The following TENM2 variants were observed in gnomAD, a reference collection of about 807,000 sequenced individuals.
TENM2 encodes teneurin transmembrane protein 2, also known as teneurin-2.
TENM2 carries 52 observed loss-of-function variants against 245.2 expected under a neutral mutation model. The ratio of observed to expected loss-of-function variants is 0.21; its 90% CI spans 0.17 to 0.27. The LOEUF is 0.27. Among genes scored for constraint, TENM2 ranks in the 10% least tolerant of loss-of-function variants. The probability of loss-of-function intolerance (pLI) is 1.00; values close to 1 mark genes in which losing one functional copy is unlikely to be tolerated. For synonymous variants in TENM2, 1,363 were observed against 1,438.9 expected, an observed-to-expected ratio of 0.95 and a Z score of 1.19; for missense variants, 3,046 against 3,666.8, an observed-to-expected ratio of 0.83 and a Z score of 4.37.
chr5:168,017,033 C>G (rs971487823), intron 5 of TENM2, among the ~76,000 whole-genome samples: 5 of 152,138 alleles, frequency 3.3e-5, no homozygotes, highest in Non-Finnish European at 5.9e-5. Context: ...TAGAAGGCAC[C>G]CTGCTCTGGT....
the TENM2 span, among the ~76,000 whole-genome samples, chr5:167,267,247 G>A: frequency 1.3e-5 from 2 of 152,062 alleles, no homozygotes; most frequent in East Asian, 3.9e-4. Flanking sequence ...AGGGTTTCTA[G>A]CAATCTCTTT....
At position 167,988,326 on chromosome 5, in the gene TENM2, A is replaced by G. The variant is rs557748109; in HGVS notation, c.948-4618A>G. On this transcript the variant is annotated intron_variant, in intron 4 of 28. Transcript: ENST00000518659. ...GTTCCCCCACTGTAAGCCAGGCTCTATTTTAGGTGACAGGATGCGGCGTGA... is the reference window on the plus strand; with the variant it reads ...GTTCCCCCACTGTAAGCCAGGCTCTGTTTTAGGTGACAGGATGCGGCGTGA... 2.6e-5 allele frequency among the ~76,000 whole-genome samples: 4 copies of G among 152,340 alleles called. No homozygotes were observed. In the East Asian group the frequency reaches 7.7e-4, roughly 29 times the overall value.
At chr5:167,766,876 C>T (rs1213104514) in intron 2 of TENM2, among the ~76,000 whole-genome samples, 2 of 151,726 alleles carry the variant, frequency 1.3e-5, no homozygotes, top group East Asian at 3.9e-4. Context: ...GAGACTCCAT[C>T]TCAAAAAAAC....
At chr5:168,162,491 C>A in intron 12 of TENM2, 120 bp from the exon 15 acceptor site, 2 of 1,056,440 alleles carry the variant, frequency 1.9e-6, no homozygotes, top group Non-Finnish European at 2.7e-6. Context: ...CAGGCGCGGG[C>A]CCCACTGTGA....
rs143191607 is a variant in TENM2, at chr5:167,443,933, ATC to A, written c.502+68462_502+68463del. On this transcript the variant is annotated intron_variant, in intron 2 of 28. Coordinates refer to ENST00000518659, the Ensembl canonical transcript of TENM2. ...AATCTGTCTTATGATTACGCAAAAC[ATC>A]TGTTTTTTTATCCCAGTAAGTTAAT... is the stretch of plus-strand genomic sequence containing the variant. Among the ~76,000 whole-genome samples the A allele has an allele frequency of 4.2e-3, 644 of 152,234 alleles. 6 individuals are homozygous for A. Among genetic ancestry groups the A allele is most frequent in the Non-Finnish European group, 7.4e-3 (504 of 67,996 alleles).
At chr5:167,730,460 G>A (rs1760343302) in intron 2 of TENM2, among the ~76,000 whole-genome samples, 1 of 152,192 alleles carries the variant, frequency 6.6e-6, no homozygotes, top group Non-Finnish European at 1.5e-5. Flanking sequence ...TCCAGCATTT[G>A]AAAGTAATAG....
the TENM2 span, among the ~76,000 whole-genome samples, chr5:167,153,830 T>C: frequency 6.6e-6 from 1 of 152,170 alleles, no homozygotes; most frequent in Non-Finnish European, 1.5e-5. Flanking sequence ...GAAAAACCTT[T>C]GTCACAATTA....
chr5:167,266,835 C>T, the TENM2 span, among the ~76,000 whole-genome samples: 2 of 152,128 alleles, frequency 1.3e-5, no homozygotes, highest in Non-Finnish European at 2.9e-5. Context: ...AAAAGTCACG[C>T]CGGTTCATGA....
At chr5:167,927,882 G>A (rs1158743145) in intron 3 of TENM2, among the ~76,000 whole-genome samples, 3 of 152,134 alleles carry the variant, frequency 2.0e-5, no homozygotes, top group Non-Finnish European at 4.4e-5. Context: ...GACCTAGCCT[G>A]GTGGAGCCTG....
chr5:167,714,392 T>C (rs979025084), intron 2 of TENM2, among the ~76,000 whole-genome samples: 2 of 152,216 alleles, frequency 1.3e-5, no homozygotes, highest in African/African-American at 4.8e-5. Flanking sequence ...TTCTGTTGTT[T>C]CGTGCATTGA....
intron 5 of TENM2, among the ~76,000 whole-genome samples, chr5:168,032,760 C>T (rs1171498999): frequency 6.6e-6 from 1 of 152,126 alleles, no homozygotes; most frequent in Non-Finnish European, 1.5e-5. Flanking sequence ...CTTTCCTCAG[C>T]CGCTGGTGTT....
intron 2 of TENM2, among the ~76,000 whole-genome samples, chr5:167,462,435 C>T (rs1766375743): frequency 6.6e-6 from 1 of 152,102 alleles, no homozygotes; most frequent in Admixed American, 6.6e-5. Context: ...CAGCTCAGTG[C>T]CCTCTTGGTA....
chr5:167,382,170 T>C (rs1006835891), intron 2 of TENM2, among the ~76,000 whole-genome samples: 4 of 152,184 alleles, frequency 2.6e-5, no homozygotes, highest in Non-Finnish European at 4.4e-5. Context: ...TTAAAAACTT[T>C]AGCTACTTCA....
At chr5:167,152,334 C>A in the TENM2 span, among the ~76,000 whole-genome samples, 438 of 152,226 alleles carry the variant, frequency 2.9e-3, 4 homozygotes, top group Non-Finnish European at 3.1e-3. Flanking sequence ...TGGTTCAAAT[C>A]TGCTTGTGAA....
chr5:167,310,063 G>T (rs925530697), intron 1 of TENM2, among the ~76,000 whole-genome samples: 3 of 151,898 alleles, frequency 2.0e-5, no homozygotes, highest in African/African-American at 7.3e-5. Context: ...ACTAAAGCGC[G>T]TATCTGTGAA....
intron 5 of TENM2, among the ~76,000 whole-genome samples, chr5:168,015,693 C>T (rs1334100348): frequency 1.3e-5 from 2 of 152,082 alleles, no homozygotes; most frequent in Admixed American, 1.3e-4. Flanking sequence ...TGGGTGTTTC[C>T]CATTCCTTCT....
In TENM2 at chr5:167,828,338, C is replaced by T. The variant is rs533012290; in HGVS notation, c.503-47648C>T. ...GACCCCTTTATCTAAACTCTCCTTT[C>T]CCCCAACCCCATCCCCAGTTGCTCT... On this transcript the variant is annotated intron_variant, in intron 2 of 28. Transcript: ENST00000518659. Among the ~76,000 whole-genome samples the T allele has an allele frequency of 5.3e-5, 8 of 152,264 alleles. No homozygotes were observed. In the South Asian group the frequency reaches 1.7e-3, roughly 32 times the overall value.
intron 27 of TENM2, among the ~76,000 whole-genome samples, chr5:168,249,115 C>A (rs1766860636): frequency 7.3e-6 from 1 of 137,648 alleles, no homozygotes; most frequent in Non-Finnish European, 1.6e-5. Context: ...CAGAGCAAGA[C>A]CCTGTCTCAA....
At chr5:168,157,904 T>C (rs1214476087) in intron 12 of TENM2, among the ~76,000 whole-genome samples, 2 of 152,016 alleles carry the variant, frequency 1.3e-5, no homozygotes, top group Non-Finnish European at 2.9e-5. Context: ...TGTGGGTTGT[T>C]GTTTGTTGTT....
Sources: gnomAD v4.1 joint callset for allele counts (sites outside exome capture counted in the v4.1 genomes callset) on GRCh38, gnomAD v4.1.1 for gene constraint, MANE v1.5 for transcripts, NCBI Gene and HGNC (gene_info 2026-07-23, HGNC 2026-07-21) for gene names.